Variants in NOL4L observed in about 807,000 individuals in gnomAD.
NOL4L encodes nucleolar protein 4 like.
Under a neutral mutation model 64.5 loss-of-function variants are expected in NOL4L, and 7 were observed. The observed-to-expected ratio is 0.11, with a 90% CI of 0.06 to 0.20. The LOEUF (loss-of-function observed/expected upper bound fraction) is 0.20. Among genes scored for constraint, NOL4L ranks in the 10% least tolerant of loss-of-function variants. The probability of loss-of-function intolerance (pLI) is 1.00; values close to 1 mark genes in which losing one functional copy is unlikely to be tolerated. For synonymous variants in NOL4L, 413 were observed against 401.0 expected, an observed-to-expected ratio of 1.03 and a Z score of -0.36; for missense variants, 680 against 967.1, an observed-to-expected ratio of 0.70 and a Z score of 3.94.
chr20:32,479,986 T>G lies in NOL4L; in HGVS notation c.700-5244A>C, dbSNP rs532760603. On this transcript the variant is annotated intron_variant, in intron 4 of 10. Transcript: ENST00000621426. ...GGCCCTTCCTCTTCTGCATGGTAACTAGCACAACCACTGCCCAGCCCAGGA... is the reference window on the plus strand; with the variant it reads ...GGCCCTTCCTCTTCTGCATGGTAACGAGCACAACCACTGCCCAGCCCAGGA... Among the ~76,000 whole-genome samples, 8 of 152,262 alleles carry G rather than the reference T, an allele frequency of 5.3e-5. No homozygotes were observed. In the South Asian group the frequency reaches 1.7e-3, roughly 32 times the overall value.
chr20:32,481,969 G>A (rs890045488), intron 4 of NOL4L, among the ~76,000 whole-genome samples: 8 of 149,176 alleles, frequency 5.4e-5, no homozygotes, highest in Admixed American at 1.3e-4. Context: ...CGGGGCGGGG[G>A]GGGGGGAGCA....
At chr20:32,480,286 C>T (rs2015636687) in intron 4 of NOL4L, among the ~76,000 whole-genome samples, 2 of 152,152 alleles carry the variant, frequency 1.3e-5, no homozygotes, top group South Asian at 4.1e-4. Flanking sequence ...GGAGGATTTG[C>T]TGAGAATTTA....
At chr20:32,567,251 G>A (rs2145617768) in intron 1 of NOL4L, among the ~76,000 whole-genome samples, 1 of 152,280 alleles carries the variant, frequency 6.6e-6, no homozygotes, top group Non-Finnish European at 1.5e-5. Flanking sequence ...GTCCTTCCAA[G>A]AGACCCTGGC....
At chr20:32,527,720 T>C in intron 2 of NOL4L, 38 bp downstream of exon 2, 1 of 1,526,722 alleles carries the variant, frequency 6.5e-7, no homozygotes, top group Non-Finnish European at 8.8e-7. Context: ...TGCCAAGGCC[T>C]GGGGCTGCCA....
At chr20:32,514,470 G>T in intron 3 of NOL4L, among the ~76,000 whole-genome samples, 1 of 151,742 alleles carries the variant, frequency 6.6e-6, no homozygotes, top group African/African-American at 2.4e-5. Context: ...CCAGCCTGGT[G>T]ACAGAGCAAG....
At chr20:32,484,149 G>A (rs1184749495) in intron 4 of NOL4L, among the ~76,000 whole-genome samples, 1 of 152,110 alleles carries the variant, frequency 6.6e-6, no homozygotes, top group African/African-American at 2.4e-5. Context: ...GGCGCCCGGG[G>A]CCCCTTCGGG....
chr20:32,519,175 C>T (rs890533339), intron 3 of NOL4L, among the ~76,000 whole-genome samples: 2 of 152,192 alleles, frequency 1.3e-5, no homozygotes, highest in African/African-American at 2.4e-5. Flanking sequence ...TAGATCCATT[C>T]CTGCCCCTCG....
In NOL4L at chr20:32,447,492, C is replaced by T. The variant is rs1392106021; in HGVS notation, c.*104G>A. ...GGCTAGAAACAGCTCTTTTGGATCC[C>T]ACCTCTTTCAAAAACAAAATGTACC... On this transcript the variant is annotated 3_prime_UTR_variant, in exon 11 of 11. Transcript: ENST00000621426. The T allele has an allele frequency of 1.4e-6, 2 of 1,451,802 alleles. No homozygotes were observed. The highest frequency in any genetic ancestry group is 2.3e-5 in the Admixed American group (1 of 42,570). 89.9% of individuals were successfully genotyped at this position (1,451,802 alleles called of 1,614,324 possible). A position where few individuals can be genotyped will look rare whatever the true frequency, so the allele number is the denominator to read the frequency against.
intron 2 of NOL4L, among the ~76,000 whole-genome samples, chr20:32,523,208 G>A (rs2018006710): frequency 6.6e-6 from 1 of 152,220 alleles, no homozygotes; most frequent in Non-Finnish European, 1.5e-5. Flanking sequence ...CCATTGATGG[G>A]TGGAAGGGGA....
intron 1 of NOL4L, among the ~76,000 whole-genome samples, chr20:32,529,801 A>C (rs1017769182): frequency 1.3e-5 from 2 of 151,724 alleles, no homozygotes; most frequent in Admixed American, 6.6e-5. Flanking sequence ...GATAGCACAT[A>C]TCTCTCTCTC....
chr20:32,465,879 A>G (rs891577898), intron 5 of NOL4L, among the ~76,000 whole-genome samples: 4 of 151,596 alleles, frequency 2.6e-5, no homozygotes, highest in Admixed American at 6.6e-5. Context: ...AGCCTGCAGG[A>G]TGGAGCTCTG....
chr20:32,461,234 A>G (rs566242456), intron 5 of NOL4L, among the ~76,000 whole-genome samples: 7 of 152,160 alleles, frequency 4.6e-5, no homozygotes, highest in Non-Finnish European at 7.4e-5. Context: ...GCGAGCCCCT[A>G]TGGCTCACCC....
At chr20:32,490,149 A>T (rs2016408664) in intron 4 of NOL4L, among the ~76,000 whole-genome samples, 1 of 149,840 alleles carries the variant, frequency 6.7e-6, no homozygotes, top group African/African-American at 2.5e-5. Flanking sequence ...AAAAAAATAT[A>T]TATACACATA....
chr20:32,457,026 G>T (rs1425861027), intron 5 of NOL4L, among the ~76,000 whole-genome samples: 1 of 152,238 alleles, frequency 6.6e-6, no homozygotes, highest in East Asian at 1.9e-4. Context: ...CACGGCCTGG[G>T]ACGTGCAAAG....
At chr20:32,534,672 G>A (rs2018452952) in intron 1 of NOL4L, among the ~76,000 whole-genome samples, 1 of 151,846 alleles carries the variant, frequency 6.6e-6, no homozygotes, top group Non-Finnish European at 1.5e-5. Flanking sequence ...GGGCAATACG[G>A]TGACCCCCAC....
At chr20:32,483,170 G>GCCGCTCCC (rs936889226) in intron 4 of NOL4L, among the ~76,000 whole-genome samples, 4 of 147,200 alleles carry the variant, frequency 2.7e-5, no homozygotes, top group African/African-American at 1.0e-4. Context: ...CCAGGGCGCA[G>GCCGCTCCC]CCGCTCCCCC....
intron 1 of NOL4L, among the ~76,000 whole-genome samples, chr20:32,532,715 C>A (rs1332966500): frequency 6.6e-6 from 1 of 152,184 alleles, no homozygotes; most frequent in Non-Finnish European, 1.5e-5. Flanking sequence ...AGGAAGTTCA[C>A]TTTATCTATA....
chr20:32,466,285 G>C (rs930317068), intron 5 of NOL4L, among the ~76,000 whole-genome samples: 2 of 152,114 alleles, frequency 1.3e-5, no homozygotes, highest in African/African-American at 4.8e-5. Flanking sequence ...TTTCTCAGTA[G>C]GTGAACCTCT....
intron 5 of NOL4L, among the ~76,000 whole-genome samples, chr20:32,461,019 C>G (rs1333201515): frequency 6.6e-6 from 1 of 152,264 alleles, no homozygotes; most frequent in African/African-American, 2.4e-5. Context: ...TGGGCCACGG[C>G]TCTGCAGAAG....
Sources: allele counts gnomAD v4.1 joint callset (sites outside exome capture counted in the v4.1 genomes callset), GRCh38; gene constraint gnomAD v4.1.1; transcripts MANE v1.5; gene names NCBI Gene and HGNC (gene_info 2026-07-23, HGNC 2026-07-21).